The following TSPAN8 variants were observed in gnomAD, a reference collection of about 807,000 sequenced individuals.
The protein encoded by TSPAN8 is tetraspanin-8.
TSPAN8 carries 21 observed loss-of-function variants against 32.8 expected under a neutral mutation model. The observed-to-expected ratio is 0.64, with a 90% CI of 0.45 to 0.92. The LOEUF is 0.92. TSPAN8 is among the 40% of genes least tolerant of loss of function. The probability of loss-of-function intolerance (pLI) is 0.00; values close to 1 mark genes in which losing one functional copy is unlikely to be tolerated. For missense variants in TSPAN8, 269 were observed against 281.9 expected (o/e 0.95, Z 0.33); for synonymous variants, 95 against 94.6 (o/e 1.00, Z -0.03).
At chr12:71,150,083 G>A (rs942162220) in intron 2 of TSPAN8, among the ~76,000 whole-genome samples, 6 of 152,130 alleles carry the variant, frequency 3.9e-5, no homozygotes, top group East Asian at 1.9e-4. Context: ...TTGAGATAAG[G>A]ACTGAAATAC....
At chr12:71,150,353 C>G (rs139811566) in intron 2 of TSPAN8, among the ~76,000 whole-genome samples, 6,396 of 152,226 alleles carry the variant, frequency 0.042, 208 homozygotes, top group Non-Finnish European at 0.062. Flanking sequence ...TCGTCCTTGT[C>G]CTGTTTCCTC....
chr12:71,144,012 C>A, intron 3 of TSPAN8, 139 bp downstream of exon 3: 1 of 658,948 alleles, frequency 1.5e-6, no homozygotes, highest in Non-Finnish European at 2.5e-6. Context: ...TATAAAATCA[C>A]ATAACAGCAC....
chr12:71,152,267 C>T (rs891300288), intron 2 of TSPAN8, among the ~76,000 whole-genome samples: 1 of 152,138 alleles, frequency 6.6e-6, no homozygotes, highest in Non-Finnish European at 1.5e-5. Context: ...TTACAAAATC[C>T]ACTTTTTCCC....
chr12:71,156,787 T>C (rs909444601), intron 2 of TSPAN8: 7 of 152,358 alleles, frequency 4.6e-5, no homozygotes, highest in African/African-American at 1.7e-4. Flanking sequence ...TTTTTTCATT[T>C]AAATACTTTG....
At chr12:71,138,715 CT>C (rs1181340103) in intron 4 of TSPAN8, among the ~76,000 whole-genome samples, 7 of 151,266 alleles carry the variant, frequency 4.6e-5, no homozygotes, top group African/African-American at 1.2e-4. Flanking sequence ...AGACAATTAG[CT>C]TTTTTTTTAA....
chr12:71,125,391 GA>G lies in TSPAN8; in HGVS notation c.661-5del. The G allele has an allele frequency of 6.2e-7, 1 of 1,609,938 alleles. No homozygotes were observed. The highest frequency in any genetic ancestry group is 1.7e-5 in the Admixed American group (1 of 59,058). Reference sequence around the variant, plus strand: ...TAGAAAACACCAAACCCAGTATCTAGAGAACAAAATAACAGGATTAACATGG... The same window carrying G: ...TAGAAAACACCAAACCCAGTATCTAGGAACAAAATAACAGGATTAACATGG... On this transcript the variant is annotated splice_region_variant and splice_polypyrimidine_tract_variant and intron_variant, in intron 8 of 8. Transcript: ENST00000247829.
intron 2 of TSPAN8, among the ~76,000 whole-genome samples, chr12:71,156,268 ACAAAC>A (rs148251768): frequency 0.12 from 6,614 of 54,712 alleles, 852 homozygotes; most frequent in East Asian, 0.35. Context: ...AAAAAAAAAA[ACAAAC>A]AAAAAAAAAA....
intron 6 of TSPAN8, among the ~76,000 whole-genome samples, chr12:71,135,331 AAGG>A (rs952140090): frequency 6.4e-5 from 8 of 124,538 alleles, no homozygotes; most frequent in African/African-American, 1.3e-4. Flanking sequence ...GGAAGAGGAG[AAGG>A]AGGAGGAGGA....
At chr12:71,155,810 C>A (rs1872408180) in intron 2 of TSPAN8, among the ~76,000 whole-genome samples, 1 of 151,918 alleles carries the variant, frequency 6.6e-6, no homozygotes, top group Non-Finnish European at 1.5e-5. Context: ...CGGCTCACTG[C>A]AACCTCCCCC....
Position 71,129,376 on chromosome 12 carries a change from A to G in TSPAN8, c.615T>C (p.Asn205=). 4 of 1,586,728 alleles carry G rather than the reference A, an allele frequency of 2.5e-6. No homozygotes were observed. The highest frequency in any genetic ancestry group is 1.4e-5 in the African/African-American group (1 of 73,226). Residue 205 remains asparagine (N), a synonymous_variant, in exon 8 of 9, where the codon AAT becomes AAC. Coordinates refer to ENST00000247829, the MANE Select transcript of TSPAN8 (RefSeq NM_004616.3). ...ATGATATTCCAATAACTATAATCAAATTTTTTGCCAAGAAGTCTTTTATGA... is the reference window on the plus strand; with the variant it reads ...ATGATATTCCAATAACTATAATCAAGTTTTTTGCCAAGAAGTCTTTTATGA... The part of the protein sequence containing the change: ...ISFIKDFLAK[N]LIIVIGISFG...
At position 71,157,609 on chromosome 12, in the gene TSPAN8, A is replaced by T. The variant is rs202240607; in HGVS notation, c.60+10T>A. ...TGCATAAAATTGATAATTAAAAGGA[A>T]AACACTTACCCAGAACAAGAAGTTG... is the stretch of plus-strand genomic sequence containing the variant. On this transcript the variant is annotated intron_variant, in intron 2 of 8. Coordinates refer to ENST00000247829, the MANE Select transcript of TSPAN8 (RefSeq NM_004616.3). 541 of 1,598,046 alleles carry T rather than the reference A, an allele frequency of 3.4e-4. 3 individuals carry two copies. The highest frequency in any genetic ancestry group is 7.7e-6 in the Non-Finnish European group (9 of 1,165,748).
chr12:71,137,010 C>T (rs1302817999), intron 6 of TSPAN8, among the ~76,000 whole-genome samples: 1 of 152,146 alleles, frequency 6.6e-6, no homozygotes, highest in Non-Finnish European at 1.5e-5. Flanking sequence ...GTTGCTCACG[C>T]TTGCAATCCC....
chr12:71,153,359 A>G (rs1469433762), intron 2 of TSPAN8, among the ~76,000 whole-genome samples: 2 of 152,206 alleles, frequency 1.3e-5, no homozygotes, highest in East Asian at 3.8e-4. Flanking sequence ...ATCAGGAATA[A>G]CTTTCACTTT....
intron 7 of TSPAN8, among the ~76,000 whole-genome samples, chr12:71,131,999 C>A (rs918697294): frequency 3.9e-5 from 6 of 152,094 alleles, no homozygotes; most frequent in African/African-American, 1.4e-4. Flanking sequence ...GAAAGCTTGG[C>A]GCATAGGAGG....
rs776519885 is a variant in TSPAN8, at chr12:71,125,439, C to A, written c.661-52G>T. ...ATGGAATTTAAGGGAAAACACTGGA[C>A]ACATTATAAATAAACAGAAAGAACA... On this transcript the variant is annotated intron_variant, in intron 8 of 8. Transcript: ENST00000247829. The A allele has an allele frequency of 5.8e-5, 83 of 1,429,160 alleles. 1 individual carries two copies. The highest frequency in any genetic ancestry group is 6.2e-5 in the Non-Finnish European group (64 of 1,027,680). 88.5% of individuals were successfully genotyped at this position (1,429,160 alleles called of 1,614,324 possible). A position where few individuals can be genotyped will look rare whatever the true frequency, so the allele number is the denominator to read the frequency against.
At chr12:71,148,582 T>G (rs1872147973) in intron 2 of TSPAN8, among the ~76,000 whole-genome samples, 1 of 152,218 alleles carries the variant, frequency 6.6e-6, no homozygotes, top group South Asian at 2.1e-4. Context: ...TATATTAATT[T>G]GATTATTATT....
intron 8 of TSPAN8, among the ~76,000 whole-genome samples, chr12:71,125,774 A>G (rs1871332975): frequency 6.6e-6 from 1 of 152,184 alleles, no homozygotes; most frequent in Non-Finnish European, 1.5e-5. Context: ...TAATGCTTCC[A>G]TAAAAAGGTT....
intron 4 of TSPAN8, chr12:71,139,274 C>T: frequency 2.2e-6 from 1 of 460,808 alleles, no homozygotes; most frequent in Non-Finnish European, 4.3e-6. Flanking sequence ...GAAAGCTTTT[C>T]CTACCCTCAC....
rs1475882285 is a variant in TSPAN8, at chr12:71,125,202, G to A, written c.*132C>T. On this transcript the variant is annotated 3_prime_UTR_variant, in exon 9 of 9. Transcript: ENST00000247829. ...TTCAATATGTCTAGAAGATATCTGT[G>A]GTCTAGCTAGCCGAGACATTTTAAA... 2.9e-6 allele frequency: 2 copies of A among 678,400 alleles called. No homozygotes were observed. Among genetic ancestry groups the A allele is most frequent in the African/African-American group, 1.8e-5 (1 of 56,028 alleles). 42.0% of individuals were successfully genotyped at this position (678,400 alleles called of 1,614,324 possible).
Sources: gnomAD v4.1 joint callset for allele counts (sites outside exome capture counted in the v4.1 genomes callset) on GRCh38, gnomAD v4.1.1 for gene constraint, MANE v1.5 for transcripts, NCBI Gene and HGNC (gene_info 2026-07-23, HGNC 2026-07-21) for gene names.